SHC4: variants seen among roughly 807,000 people sequenced by gnomAD.
The protein encoded by SHC4 is SHC adaptor protein 4, also known as SHC-transforming protein 4.
SHC4 carries 41 observed loss-of-function variants against 69.4 expected under a neutral mutation model. That is an observed-to-expected ratio of 0.59 (90% confidence interval 0.46 to 0.77). SHC4 has a LOEUF of 0.77. Ranked by LOEUF, SHC4 falls within the 30% of genes least tolerant of loss-of-function variation. SHC4 has a pLI of 0.00. For synonymous variants in SHC4, 318 were observed against 299.3 expected (o/e 1.06, Z -0.64); for missense variants, 777 against 783.8 (o/e 0.99, Z 0.10).
chr15:48,931,908 C>G (rs1352945522), intron 1 of SHC4, among the ~76,000 whole-genome samples: 1 of 151,192 alleles, frequency 6.6e-6, no homozygotes, highest in Non-Finnish European at 1.5e-5. Context: ...TTTTTGGAGA[C>G]ATACTCTGCC....
At chr15:48,872,814 T>G (rs137924541) in intron 4 of SHC4, among the ~76,000 whole-genome samples, 1 of 152,190 alleles carries the variant, frequency 6.6e-6, no homozygotes, top group Non-Finnish European at 1.5e-5. Context: ...TGTCTTCTAT[T>G]TGAGAGTCTA....
At position 48,963,023 on chromosome 15, in the gene SHC4, G is replaced by A. The variant is rs1901573813; in HGVS notation, c.-8C>T. The A allele has an allele frequency of 3.8e-6, 6 of 1,597,676 alleles. No homozygotes were observed. The African/African-American group carries it at 4.0e-5, about 11-fold the overall frequency. The stretch of plus-strand genomic sequence containing the variant: ...CTGGCCGCGTTCTCGCATAGCCTTG[G>A]CAGTGCTGAAACAGGATACTGTTGC... On this transcript the variant is annotated 5_prime_UTR_variant, in exon 1 of 12. Coordinates refer to ENST00000332408, the MANE Select transcript of SHC4 (RefSeq NM_203349.4).
At chr15:48,872,179 T>C (rs1460420110) in intron 4 of SHC4, 37 bp from the exon 5 acceptor site, 5 of 1,226,034 alleles carry the variant, frequency 4.1e-6, no homozygotes, top group East Asian at 2.6e-5. Flanking sequence ...TATAAATTAA[T>C]TGTTATTTCT....
intron 3 of SHC4, among the ~76,000 whole-genome samples, chr15:48,886,475 C>T (rs973551055): frequency 1.3e-5 from 2 of 151,802 alleles, no homozygotes; most frequent in Non-Finnish European, 2.9e-5. Context: ...GTTAAAAGAC[C>T]GATGGAAGAA....
intron 2 of SHC4, among the ~76,000 whole-genome samples, chr15:48,902,249 C>G (rs1022554250): frequency 6.6e-6 from 1 of 151,384 alleles, no homozygotes; most frequent in East Asian, 1.9e-4. Flanking sequence ...TTGTACAACA[C>G]CTATTACCCA....
chr15:48,932,816 C>G (rs956291842), intron 1 of SHC4, among the ~76,000 whole-genome samples: 1 of 152,014 alleles, frequency 6.6e-6, no homozygotes, highest in Admixed American at 6.6e-5. Flanking sequence ...TCAATGTGTC[C>G]GTATCTCTTT....
intron 10 of SHC4, 93 bp downstream of exon 10, chr15:48,843,316 G>A: frequency 7.7e-7 from 1 of 1,293,170 alleles, no homozygotes. Flanking sequence ...TTGGACTTCT[G>A]GCCTCCAGAA....
chr15:48,847,773 C>A (rs1413651338), intron 9 of SHC4, among the ~76,000 whole-genome samples: 1 of 151,982 alleles, frequency 6.6e-6, no homozygotes, highest in Non-Finnish European at 1.5e-5. Context: ...GAGGCCAAGG[C>A]GGGCAGATCA....
chr15:48,853,513 A>T (rs1053337221), intron 8 of SHC4, among the ~76,000 whole-genome samples: 1 of 152,230 alleles, frequency 6.6e-6, no homozygotes, highest in Admixed American at 6.5e-5. Flanking sequence ...GAACCAAAAC[A>T]TGAGCCCAAA....
chr15:48,848,387 C>G (rs1899139015), intron 9 of SHC4, among the ~76,000 whole-genome samples: 1 of 152,116 alleles, frequency 6.6e-6, no homozygotes, highest in Admixed American at 6.5e-5. Context: ...CTCAAGATTC[C>G]GAAGTTCCCA....
chr15:48,894,156 T>TG (rs1181782370), intron 2 of SHC4, among the ~76,000 whole-genome samples: 2 of 152,184 alleles, frequency 1.3e-5, no homozygotes, highest in Non-Finnish European at 2.9e-5. Flanking sequence ...TAAATTAGTG[T>TG]GAAAAAGTAG....
At chr15:48,840,514 G>T (rs1898971198) in intron 10 of SHC4, among the ~76,000 whole-genome samples, 1 of 152,100 alleles carries the variant, frequency 6.6e-6, no homozygotes, top group Non-Finnish European at 1.5e-5. Context: ...GGCTAAGGGA[G>T]GCTAAGTATG....
In SHC4 at chr15:48,842,992, C is replaced by G. The variant is rs561155564; in HGVS notation, c.1483+417G>C. Reference sequence around the variant, plus strand: ...CTAATCCCTGACCTGTGAACATGACCTAATTTGGCAAAAGGGTCTTTACAG... The same window carrying G: ...CTAATCCCTGACCTGTGAACATGACGTAATTTGGCAAAAGGGTCTTTACAG... On this transcript the variant is annotated intron_variant, in intron 10 of 11. Coordinates refer to ENST00000332408, the MANE Select transcript of SHC4 (RefSeq NM_203349.4). Among the ~76,000 whole-genome samples, 3 of 152,156 alleles carry G rather than the reference C, an allele frequency of 2.0e-5. No homozygotes were observed. In the East Asian group the frequency reaches 5.8e-4, roughly 29 times the overall value.
At chr15:48,918,632 A>C (rs1340931878) in intron 2 of SHC4, among the ~76,000 whole-genome samples, 1 of 152,162 alleles carries the variant, frequency 6.6e-6, no homozygotes, top group African/African-American at 2.4e-5. Context: ...TATTTAGTTC[A>C]AGACCTAGAG....
In SHC4 at chr15:48,855,938, T is replaced by C. The variant is rs1899303855; in HGVS notation, c.1242+15A>G. On this transcript the variant is annotated intron_variant, in intron 8 of 11. Transcript: ENST00000332408. The stretch of plus-strand genomic sequence containing the variant: ...ATTGCATTGCTGGTTCCAACAACAA[T>C]AAAACATTACATACCAAATAGCACA... The C allele has an allele frequency of 9.4e-6, 15 of 1,598,552 alleles. No homozygotes were observed. The highest frequency in any genetic ancestry group is 2.7e-5 in the African/African-American group (2 of 74,526).
In SHC4 at chr15:48,832,527, A is replaced by G. The variant is rs959282646; in HGVS notation, c.1737+2242T>C. ...ATGTGAATGTCTTAGGGTTCCTCAT[A>G]GTTGGAGTCCATTGGTCTTCTTGAA... On this transcript the variant is annotated intron_variant, in intron 11 of 11. Transcript: ENST00000332408. Among the ~76,000 whole-genome samples the G allele has an allele frequency of 2.6e-5, 4 of 152,240 alleles. No homozygotes were observed. The South Asian group carries it at 8.3e-4, about 32-fold the overall frequency.
chr15:48,871,047 A>G (rs1160732694), intron 5 of SHC4, among the ~76,000 whole-genome samples: 1 of 152,246 alleles, frequency 6.6e-6, no homozygotes. Flanking sequence ...TTATTGTCCT[A>G]TCATTTATGA....
At position 48,833,241 on chromosome 15, in the gene SHC4, C is replaced by T. The variant is rs750815303; in HGVS notation, c.1737+1528G>A. ...GTCTCCAAAACCTTCTGTGGGGGGA[C>T]GTGACTTTTCTGGGCCTGTGTGTTC... is the stretch of plus-strand genomic sequence containing the variant. On this transcript the variant is annotated intron_variant, in intron 11 of 11. Coordinates refer to ENST00000332408, the MANE Select transcript of SHC4 (RefSeq NM_203349.4). 5.3e-5 allele frequency among the ~76,000 whole-genome samples: 8 copies of T among 152,096 alleles called. 1 individual carries two copies. The highest frequency in any genetic ancestry group is 7.2e-5 in the African/African-American group (3 of 41,390).
At chr15:48,890,884 GA>G in intron 2 of SHC4, 73 bp from the exon 3 acceptor site, 1 of 1,537,870 alleles carries the variant, frequency 6.5e-7, no homozygotes, top group Non-Finnish European at 9.0e-7. Flanking sequence ...AGAAATGTTA[GA>G]AATTATCACG....
Sources: gnomAD v4.1 joint callset for allele counts (sites outside exome capture counted in the v4.1 genomes callset) on GRCh38, gnomAD v4.1.1 for gene constraint, MANE v1.5 for transcripts, NCBI Gene and HGNC (gene_info 2026-07-23, HGNC 2026-07-21) for gene names.